The following GRIP2 variants were observed in gnomAD, a reference collection of about 807,000 sequenced individuals.
GRIP2 encodes the protein glutamate receptor-interacting protein 2.
GRIP2 carries 58 observed loss-of-function variants against 108.3 expected under a neutral mutation model. That is an observed-to-expected ratio of 0.54 (90% confidence interval 0.43 to 0.67). The LOEUF (loss-of-function observed/expected upper bound fraction) is 0.67, where lower values mean the gene tolerates loss of function less well. Among genes scored for constraint, GRIP2 ranks in the 30% least tolerant of loss-of-function variants. The pLI, the probability that GRIP2 is intolerant of heterozygous loss-of-function variation, is 0.00. For synonymous variants in GRIP2, 586 were observed against 598.2 expected, an observed-to-expected ratio of 0.98 and a Z score of 0.30; for missense variants, 1,278 against 1,430.6, an observed-to-expected ratio of 0.89 and a Z score of 1.72.
the GRIP2 span, among the ~76,000 whole-genome samples, chr3:14,590,730 G>A: frequency 6.6e-6 from 1 of 152,208 alleles, no homozygotes; most frequent in African/African-American, 2.4e-5. Context: ...TCTAGCAAGT[G>A]AGTTCAAAGT....
chr3:14,497,901 G>A (rs779029067), intron 21 of GRIP2, among the ~76,000 whole-genome samples: 20 of 152,304 alleles, frequency 1.3e-4, no homozygotes, highest in Admixed American at 3.9e-4. Context: ...GGAGTATGTG[G>A]CCCTGAGGGA....
At chr3:14,573,631 C>T in the GRIP2 span, 1 of 1,500,456 alleles carries the variant, frequency 6.7e-7, no homozygotes, top group Non-Finnish European at 9.2e-7. Context: ...CAGGGCCGTC[C>T]TGTGATGACA....
intron 2 of GRIP2, 123 bp downstream of exon 2, chr3:14,525,728 G>A (rs1694536264): frequency 1.0e-5 from 13 of 1,303,344 alleles, no homozygotes; most frequent in Middle Eastern, 2.2e-4. Flanking sequence ...GAATCAGAGA[G>A]GTTAAGTGGC....
intron 1 of GRIP2, among the ~76,000 whole-genome samples, chr3:14,552,083 C>A (rs570651891): frequency 7.2e-5 from 11 of 152,310 alleles, no homozygotes; most frequent in African/African-American, 2.4e-4. Flanking sequence ...AAAAAATTAT[C>A]TGGTCTCCGA....
upstream of GRIP2, among the ~76,000 whole-genome samples, chr3:14,540,866 A>C (rs1034665547): frequency 1.3e-5 from 2 of 152,202 alleles, no homozygotes; most frequent in African/African-American, 2.4e-5. This position sits in a 1 kb window ranked among gnomAD's most constrained non-coding sequence, Gnocchi z 4.1. Flanking sequence ...CCTCCCACCA[A>C]TGTTCCAACT....
chr3:14,506,288 G>A (rs1243021714), intron 19 of GRIP2, among the ~76,000 whole-genome samples: 2 of 152,174 alleles, frequency 1.3e-5, no homozygotes, highest in Non-Finnish European at 2.9e-5. Flanking sequence ...GGTCATTGAG[G>A]CCAGCTGGCC....
the GRIP2 span, chr3:14,573,297 C>A: frequency 7.0e-7 from 1 of 1,424,534 alleles, no homozygotes; most frequent in Admixed American, 1.7e-5. Context: ...GAAGATGGCA[C>A]TGGCCAGGTT....
intron 17 of GRIP2, 50 bp downstream of exon 17, chr3:14,509,770 T>A: frequency 7.4e-7 from 1 of 1,356,990 alleles, no homozygotes; most frequent in Non-Finnish European, 9.6e-7. Context: ...CAGCTCTTGC[T>A]TCCTGTGTTC....
At chr3:14,573,453 C>T in the GRIP2 span, 45 of 1,513,160 alleles carry the variant, frequency 3.0e-5, no homozygotes, top group Middle Eastern at 5.1e-4. Context: ...CAGCCACAGG[C>T]GGTAGAACTG....
the GRIP2 span, among the ~76,000 whole-genome samples, chr3:14,562,435 G>T: frequency 6.6e-6 from 1 of 152,192 alleles, no homozygotes; most frequent in Non-Finnish European, 1.5e-5. Context: ...TGTTCCTATT[G>T]ATTCTGAAAA....
chr3:14,538,265 A>G (rs764206324), intron 1 of GRIP2, among the ~76,000 whole-genome samples: 7 of 152,084 alleles, frequency 4.6e-5, no homozygotes, highest in Non-Finnish European at 1.0e-4. Flanking sequence ...GCAACAGGGG[A>G]GGTCACATGA....
chr3:14,598,370 A>G, the GRIP2 span, among the ~76,000 whole-genome samples: 1 of 134,580 alleles, frequency 7.4e-6, no homozygotes, highest in Non-Finnish European at 1.6e-5. Context: ...ACACACACGC[A>G]CACACACAAC....
chr3:14,543,053 A>G (rs1695002365), upstream of GRIP2, among the ~76,000 whole-genome samples: 1 of 152,190 alleles, frequency 6.6e-6, no homozygotes, highest in African/African-American at 2.4e-5. Flanking sequence ...ACTGACTTTG[A>G]AGGATGGGAA....
intron 11 of GRIP2, among the ~76,000 whole-genome samples, chr3:14,516,298 C>T (rs915269903): frequency 6.6e-6 from 1 of 152,186 alleles, no homozygotes; most frequent in Non-Finnish European, 1.5e-5. Context: ...GTGACCTGTA[C>T]TCCTCTCTTC....
rs1694190898 is a variant in GRIP2, at chr3:14,514,440, T to A, written c.1345A>T (p.Ile449Phe). 1 of 1,578,000 alleles carries A rather than the reference T, an allele frequency of 6.3e-7. No homozygotes were observed. Among genetic ancestry groups the A allele is most frequent in the Non-Finnish European group, 8.6e-7 (1 of 1,163,584 alleles). ...ASSTVGPGGQ[I>F]VHTETTEVVL... Reference sequence around the variant, plus strand: ...ACCTCCGTGGTCTCCGTGTGCACAATCTGCCCGCCCGGCCCCACCGTGCTG... The same window carrying A: ...ACCTCCGTGGTCTCCGTGTGCACAAACTGCCCGCCCGGCCCCACCGTGCTG... The change falls in exon 12 of 24, where the codon ATT (isoleucine) becomes TTT (phenylalanine). Residue 449 changes from isoleucine (I) to phenylalanine (F), a missense_variant. Coordinates refer to ENST00000621039, the MANE Select transcript of GRIP2 (RefSeq NM_001080423.4).
chr3:14,551,800 A>T (rs1695154381), intron 1 of GRIP2, among the ~76,000 whole-genome samples: 1 of 152,196 alleles, frequency 6.6e-6, no homozygotes, highest in Non-Finnish European at 1.5e-5. Flanking sequence ...GGGTAGGCTC[A>T]TGCTCTACTA....
chr3:14,506,727 A>G lies in GRIP2; in HGVS notation c.2398+74T>C, dbSNP rs1343930747. ...AGGAGGGAGGAACAGGCACAAGAAC[A>G]GTCCTGCACAGGCCCAGCAGCAGGG... On this transcript the variant is annotated intron_variant, in intron 19 of 23. Coordinates refer to ENST00000621039, the MANE Select transcript of GRIP2 (RefSeq NM_001080423.4). The G allele has an allele frequency of 6.8e-6, 9 of 1,325,680 alleles. No individual in the cohort carries two copies. The East Asian group carries it at 2.1e-4, about 31-fold the overall frequency. The allele number at this position is 1,325,680 out of a possible 1,614,324, so 82.1% of individuals were successfully genotyped here.
chr3:14,542,039 T>A, upstream of GRIP2: 2 of 1,353,464 alleles, frequency 1.5e-6, no homozygotes, highest in Non-Finnish European at 2.0e-6. Flanking sequence ...TCGCCTCCAT[T>A]CCCTCCATCT....
At chr3:14,526,456 G>A (rs1340169846) in intron 1 of GRIP2, among the ~76,000 whole-genome samples, 1 of 152,180 alleles carries the variant, frequency 6.6e-6, no homozygotes, top group Non-Finnish European at 1.5e-5. Flanking sequence ...AATCTTGGGT[G>A]GACCTGATTA....
Sources: gnomAD v4.1 joint callset for allele counts (sites outside exome capture counted in the v4.1 genomes callset) on GRCh38, gnomAD v4.1.1 for gene constraint, Gnocchi (gnomAD v3.1) non-coding constraint, MANE v1.5 for transcripts, NCBI Gene and HGNC (gene_info 2026-07-23, HGNC 2026-07-21) for gene names.